Variants in ACTR1A observed in about 807,000 individuals in gnomAD.
ACTR1A encodes actin related protein 1A, also known as alpha-centractin.
In ACTR1A, 10 loss-of-function variants were observed where a neutral mutation model predicts 50.7. The observed-to-expected ratio is 0.20, with a 90% confidence interval of 0.12 to 0.33. ACTR1A has a LOEUF of 0.33. Ranked by LOEUF, ACTR1A falls within the 10% of genes least tolerant of loss-of-function variation. The probability of loss-of-function intolerance (pLI) is 1.00; values close to 1 mark genes in which losing one functional copy is unlikely to be tolerated. For synonymous variants in ACTR1A, 177 were observed against 184.2 expected (o/e 0.96, Z 0.32); for missense variants, 253 against 491.7 (o/e 0.51, Z 4.59).
At chr10:102,483,239 C>T in intron 6 of ACTR1A, 136 bp from the exon 7 acceptor site, 1 of 728,032 alleles carries the variant, frequency 1.4e-6, no homozygotes, top group Non-Finnish European at 2.5e-6. Flanking sequence ...TAGCTGCTGC[C>T]CAGAAGCAGG....
Position 102,479,713 on chromosome 10 carries a change from G to A in ACTR1A, c.*1150C>T, listed in dbSNP as rs1038919444. 3 of 1,279,274 alleles carry A rather than the reference G, an allele frequency of 2.3e-6. No individual in the cohort carries two copies. Among genetic ancestry groups the A allele is most frequent in the Non-Finnish European group, 3.1e-6 (3 of 980,844 alleles). 79.2% of individuals were successfully genotyped at this position (1,279,274 alleles called of 1,614,324 possible). On this transcript the variant is annotated 3_prime_UTR_variant, in exon 11 of 11. Transcript: ENST00000369905. The surrounding 1 kb of genome is among the most constrained non-coding windows in gnomAD (Gnocchi z 4.0). ...ACCTAGTCCCCTGGTCAGCTACAGT[G>A]GCAAAAGGCAACTTGGTAAATTGCA...
chr10:102,499,043 C>T (rs891280729), intron 1 of ACTR1A, among the ~76,000 whole-genome samples: 1 of 152,086 alleles, frequency 6.6e-6, no homozygotes, highest in African/African-American at 2.4e-5. Context: ...TGACTTGATG[C>T]CAGAGTAAGA....
Position 102,480,774 on chromosome 10 carries a change from C to T in ACTR1A, c.*89G>A, listed in dbSNP as rs1482220837. The stretch of plus-strand genomic sequence containing the variant: ...TCATATCCACACACGCACTCACACA[C>T]AGGCAGTTCCTCGCAAACACTCCGA... On this transcript the variant is annotated 3_prime_UTR_variant, in exon 11 of 11. Coordinates refer to ENST00000369905, the MANE Select transcript of ACTR1A (RefSeq NM_005736.4). 9.3e-7 allele frequency: 1 copy of T among 1,071,950 alleles called. No individual in the cohort carries two copies. The highest frequency in any genetic ancestry group is 1.4e-6 in the Non-Finnish European group (1 of 690,580). The allele number at this position is 1,071,950 out of a possible 1,614,324, so 66.4% of individuals were successfully genotyped here. A position where few individuals can be genotyped will look rare whatever the true frequency, so the allele number is the denominator to read the frequency against.
chr10:102,481,171 AT>A lies in ACTR1A; in HGVS notation c.988del (p.Ile330TyrfsTer106). 6.3e-7 allele frequency: 1 copy of A among 1,594,920 alleles called. No individual in the cohort carries two copies. Among genetic ancestry groups the A allele is most frequent in the Non-Finnish European group, 8.5e-7 (1 of 1,170,580 alleles). On this transcript the variant is annotated frameshift_variant and splice_region_variant, in exon 10 of 11. Coordinates refer to ENST00000369905, the MANE Select transcript of ACTR1A (RefSeq NM_005736.4). LOFTEE classifies it high-confidence loss of function. ...ATACAGTCTCTCCTGAGGTGCAGATATCTGCAAAGGTGGGGGAAAGAGGAAT... is the reference window on the plus strand; with the variant it reads ...ATACAGTCTCTCCTGAGGTGCAGATACTGCAAAGGTGGGGGAAAGAGGAAT... ...KLAPKDVKIRISAPQERLYST... is the reference protein window; with the variant it reads ...KLAPKDVKIRXSAPQERLYST...
intron 1 of ACTR1A, among the ~76,000 whole-genome samples, chr10:102,498,290 A>T (rs1325880951): frequency 6.6e-6 from 1 of 151,752 alleles, no homozygotes; most frequent in Non-Finnish European, 1.5e-5. Context: ...TACCACACCG[A>T]ATTTTTCTGT....
intron 1 of ACTR1A, among the ~76,000 whole-genome samples, chr10:102,499,274 A>G (rs897146973): frequency 6.6e-6 from 1 of 152,214 alleles, no homozygotes; most frequent in African/African-American, 2.4e-5. Flanking sequence ...TTTCCTATAC[A>G]TCTACCATCT....
intron 1 of ACTR1A, among the ~76,000 whole-genome samples, chr10:102,495,555 C>T (rs901885634): frequency 6.7e-6 from 1 of 148,852 alleles, no homozygotes; most frequent in Non-Finnish European, 1.5e-5. Flanking sequence ...GACGACAGTG[C>T]GAGACTCCAT....
At chr10:102,496,568 A>C (rs1360798808) in intron 1 of ACTR1A, among the ~76,000 whole-genome samples, 1 of 152,192 alleles carries the variant, frequency 6.6e-6, no homozygotes, top group Non-Finnish European at 1.5e-5. Flanking sequence ...ATATCTTTAT[A>C]AGTCACCTCT....
intron 1 of ACTR1A, among the ~76,000 whole-genome samples, chr10:102,491,197 A>G (rs2062190039): frequency 6.6e-6 from 1 of 152,158 alleles, no homozygotes; most frequent in Non-Finnish European, 1.5e-5. Context: ...AAATACTAGT[A>G]ATAAAGGGAA....
At chr10:102,487,490 C>G (rs12265877) in intron 4 of ACTR1A, among the ~76,000 whole-genome samples, 53,493 of 151,698 alleles carry the variant, frequency 0.35, 9,598 homozygotes, top group African/African-American at 0.39. Flanking sequence ...CCCAGGAGGT[C>G]GAGGCTGCAG....
In ACTR1A at chr10:102,491,932, A is replaced by ATTT. The variant is rs558164702; in HGVS notation, c.49-1322_49-1320dup. ...AGGTGCCCACCAGCATGCCTGGCTAATTTTTTTTTTTTTTTTTTAGTAGAG... is the reference window on the plus strand; with the variant it reads ...AGGTGCCCACCAGCATGCCTGGCTAATTTTTTTTTTTTTTTTTTTTTAGTAGAG... On this transcript the variant is annotated intron_variant, in intron 1 of 10. Coordinates refer to ENST00000369905, the MANE Select transcript of ACTR1A (RefSeq NM_005736.4). Among the ~76,000 whole-genome samples, 325 of 134,528 alleles carry ATTT rather than the reference A, an allele frequency of 2.4e-3. 1 individual carries two copies. The highest frequency in any genetic ancestry group is 5.7e-3 in the African/African-American group (206 of 35,912). The allele number at this position is 134,528 out of a possible 152,430, so 88.3% of individuals were successfully genotyped here. A position where few individuals can be genotyped will look rare whatever the true frequency, so the allele number is the denominator to read the frequency against.
At chr10:102,492,840 C>T (rs928270250) in intron 1 of ACTR1A, among the ~76,000 whole-genome samples, 1 of 151,798 alleles carries the variant, frequency 6.6e-6, no homozygotes, top group Non-Finnish European at 1.5e-5. Flanking sequence ...ACTGTCTTTA[C>T]TACAAATACA....
rs1294196952 is a variant in ACTR1A, at chr10:102,488,254, T to C, written c.211A>G (p.Ile71Val). Residue 71 changes from isoleucine to valine, a missense_variant, in exon 4 of 11, where the codon ATC becomes GTC. Ile to Val is a conservative substitution (Grantham distance 29, BLOSUM62 3). Around this residue, in one of 4 missense-constraint regions of ACTR1A, gnomAD observed 96 missense variants for 238.7 expected, o/e 0.40. Transcript: ENST00000369905. The surrounding 1 kb of genome is among the most constrained non-coding windows in gnomAD (Gnocchi z 4.4). ...ATGCCATGCTCCATGGGATAGCGGA[T>C]TGAAAGCAGCCCTCGGTGCTCCTGG... ...KAEEHRGLLSIRYPMEHGIVK... is the reference protein window; with the variant it reads ...KAEEHRGLLSVRYPMEHGIVK... The C allele has an allele frequency of 1.2e-6, 2 of 1,613,872 alleles. No individual in the cohort carries two copies. The highest frequency in any genetic ancestry group is 1.7e-6 in the Non-Finnish European group (2 of 1,179,788).
At chr10:102,491,686 G>A (rs894101076) in intron 1 of ACTR1A, among the ~76,000 whole-genome samples, 1 of 152,198 alleles carries the variant, frequency 6.6e-6, no homozygotes, top group Non-Finnish European at 1.5e-5. Flanking sequence ...CCCAATCAAT[G>A]TAAACAGTGA....
At chr10:102,502,451 T>C (rs2062262415) in intron 1 of ACTR1A, 149 bp downstream of exon 1, 5 of 786,918 alleles carry the variant, frequency 6.4e-6, no homozygotes, top group Non-Finnish European at 1.1e-5. Context: ...GACTATGTGA[T>C]AAGGGGAGGA....
At chr10:102,484,876 A>G (rs1212093879) in intron 5 of ACTR1A, among the ~76,000 whole-genome samples, 1 of 152,198 alleles carries the variant, frequency 6.6e-6, no homozygotes, top group African/African-American at 2.4e-5. Context: ...CCCCTGCTTC[A>G]GTGCGGAGAG....
At position 102,485,730 on chromosome 10, in the gene ACTR1A, G is replaced by A. The variant is rs1168543309; in HGVS notation, c.319C>T (p.Pro107Ser). Reference sequence around the variant, plus strand: ...AAAGGCGCCTCAGTCAGGAGCACAGGATGCTGGTGAAAGGAGCCCGGGAGA... The same window carrying A: ...AAAGGCGCCTCAGTCAGGAGCACAGAATGCTGGTGAAAGGAGCCCGGGAGA... ...DQLQTFSEEH[P>S]VLLTEAPLNP... The change falls in exon 5 of 11, where the codon CCT becomes TCT. Residue 107 changes from proline to serine, a missense_variant. Physicochemically the swap from Pro to Ser is moderately conservative, Grantham distance 74. This residue lies in a region of ACTR1A where 96 missense variants were observed against 238.7 expected (regional missense o/e 0.40). Coordinates refer to ENST00000369905, the MANE Select transcript of ACTR1A (RefSeq NM_005736.4). 6.2e-7 allele frequency: 1 copy of A among 1,613,902 alleles called. No homozygotes were observed. The highest frequency in any genetic ancestry group is 8.5e-7 in the Non-Finnish European group (1 of 1,180,014).
Position 102,502,690 on chromosome 10 carries a change from G to T in ACTR1A, c.-43C>A, listed in dbSNP as rs760796200. 1.2e-6 allele frequency: 2 copies of T among 1,610,522 alleles called. No individual in the cohort carries two copies. Among genetic ancestry groups the T allele is most frequent in the African/African-American group, 1.3e-5 (1 of 75,004 alleles). On this transcript the variant is annotated 5_prime_UTR_variant, in exon 1 of 11. Coordinates refer to ENST00000369905, the MANE Select transcript of ACTR1A (RefSeq NM_005736.4). ...TTCTGGGGAAGGAACTGCCCAGCCG[G>T]GTCCGCCGCTAGCGCCACTGACACG...
At chr10:102,501,450 A>G (rs187152758) in intron 1 of ACTR1A, among the ~76,000 whole-genome samples, 56 of 152,348 alleles carry the variant, frequency 3.7e-4, no homozygotes, top group Non-Finnish European at 6.9e-4. Context: ...TTTTGCCTCA[A>G]TGGAGGGACC....
Sources: allele counts gnomAD v4.1 joint callset (sites outside exome capture counted in the v4.1 genomes callset), GRCh38; gene constraint gnomAD v4.1.1; regional missense constraint gnomAD v4.1.1; non-coding constraint Gnocchi (gnomAD v3.1); transcripts MANE v1.5; gene names NCBI Gene and HGNC (gene_info 2026-07-23, HGNC 2026-07-21).